Variants in SCN8A observed in about 807,000 individuals in gnomAD.
SCN8A encodes the protein sodium voltage-gated channel alpha subunit 8.
A neutral mutation model predicts 184.1 loss-of-function variants in SCN8A; 30 were observed. The observed-to-expected ratio is 0.16, with a 90% CI of 0.12 to 0.22. SCN8A has a LOEUF of 0.22. Ranked by LOEUF, SCN8A falls within the 10% of genes least tolerant of loss-of-function variation. The pLI, the probability that SCN8A is intolerant of heterozygous loss-of-function variation, is 1.00. For synonymous variants in SCN8A, 852 were observed against 907.0 expected (o/e 0.94, Z 1.09); for missense variants, 1,057 against 2,498.9 (o/e 0.42, Z 12.30).
intron 16 of SCN8A, 87 bp downstream of exon 16, chr12:51,766,114 CCTT>C (rs1392977438): frequency 2.1e-6 from 2 of 972,556 alleles, no homozygotes; most frequent in East Asian, 2.4e-5. Flanking sequence ...ACTGCTTAGT[CCTT>C]CTACTACCCG....
intron 26 of SCN8A, among the ~76,000 whole-genome samples, chr12:51,803,208 G>A (rs1455855866): frequency 1.3e-5 from 2 of 152,156 alleles, no homozygotes; most frequent in Non-Finnish European, 1.5e-5. Flanking sequence ...AACCACTGCT[G>A]TAAGTCCAAG....
chr12:51,773,451 C>T (rs899276239), intron 19 of SCN8A, among the ~76,000 whole-genome samples: 1 of 152,168 alleles, frequency 6.6e-6, no homozygotes. Flanking sequence ...GACCCTCCAC[C>T]CATACTGTGG....
At chr12:51,602,588 G>A (rs773479694) in intron 1 of SCN8A, among the ~76,000 whole-genome samples, 110 of 152,174 alleles carry the variant, frequency 7.2e-4, no homozygotes, top group Non-Finnish European at 1.2e-3. Flanking sequence ...CTTAAAAAAC[G>A]GTTAAGATGG....
intron 12 of SCN8A, among the ~76,000 whole-genome samples, chr12:51,733,251 T>G (rs2138804283): frequency 6.6e-6 from 1 of 152,260 alleles, no homozygotes; most frequent in South Asian, 2.1e-4. Context: ...TTTTTGAGGG[T>G]TTTTAACCAC....
At chr12:51,696,644 A>G (rs1262527184) in intron 6 of SCN8A, among the ~76,000 whole-genome samples, 2 of 152,196 alleles carry the variant, frequency 1.3e-5, no homozygotes, top group African/African-American at 2.4e-5. Context: ...CAGCTTCTCC[A>G]CTACTGCCCA....
Position 51,808,119 on chromosome 12 carries a change from C to T in SCN8A, c.*690C>T, listed in dbSNP as rs1035560195. The stretch of plus-strand genomic sequence containing the variant: ...GTGATCAGAAGTCATGCATGAGATC[C>T]ATACACCACAGGACACTACTAATCT... On this transcript the variant is annotated 3_prime_UTR_variant, in exon 27 of 27. Transcript: ENST00000627620. 1 of 163,870 alleles carries T rather than the reference C, an allele frequency of 6.1e-6. No individual in the cohort carries two copies. The highest frequency in any genetic ancestry group is 1.4e-5 in the Non-Finnish European group (1 of 74,036). The allele number at this position is 163,870 out of a possible 1,614,324, so 10.2% of individuals were successfully genotyped here.
intron 11 of SCN8A, chr12:51,713,064 A>G: frequency 2.1e-6 from 3 of 1,462,944 alleles, no homozygotes; most frequent in Non-Finnish European, 1.9e-6. Flanking sequence ...CAACAATTTT[A>G]TCAACTGTAT....
chr12:51,811,227 A>C lies in SCN8A; in HGVS notation c.*3798A>C, dbSNP rs1938884009. 1.3e-5 allele frequency: 2 copies of C among 152,186 alleles called. No homozygotes were observed. The highest frequency in any genetic ancestry group is 4.2e-4 in the South Asian group (2 of 4,816). 9.4% of individuals were successfully genotyped at this position (152,186 alleles called of 1,614,324 possible). On this transcript the variant is annotated 3_prime_UTR_variant, in exon 27 of 27. Coordinates refer to ENST00000627620, the MANE Select transcript of SCN8A (RefSeq NM_001330260.2). ...AGGGGAATAGAGGGAAGAGAAATCA[A>C]AGGGGCTCTCGCAAAGTTCTGGCTA...
Position 51,808,215 on chromosome 12 carries a change from G to C in SCN8A, c.*786G>C, listed in dbSNP as rs1385413386. On this transcript the variant is annotated 3_prime_UTR_variant, in exon 27 of 27. Coordinates refer to ENST00000627620, the MANE Select transcript of SCN8A (RefSeq NM_001330260.2). ...CCGTTCACTGTATTTGGAGAAAATGGTAAGAGTTCCATACCGGCTACAATT... is the reference window on the plus strand; with the variant it reads ...CCGTTCACTGTATTTGGAGAAAATGCTAAGAGTTCCATACCGGCTACAATT... 6.6e-6 allele frequency: 1 copy of C among 152,664 alleles called. No homozygotes were observed. The highest frequency in any genetic ancestry group is 1.5e-5 in the Non-Finnish European group (1 of 68,122). 9.5% of individuals were successfully genotyped at this position (152,664 alleles called of 1,614,324 possible).
intron 11 of SCN8A, among the ~76,000 whole-genome samples, chr12:51,710,763 T>C (rs1303157054): frequency 6.6e-6 from 1 of 152,228 alleles, no homozygotes; most frequent in Non-Finnish European, 1.5e-5. Context: ...ATATCTTCCT[T>C]TCAAGAAACC....
intron 1 of SCN8A, among the ~76,000 whole-genome samples, chr12:51,608,235 C>G (rs1003806046): frequency 9.9e-5 from 15 of 151,910 alleles, no homozygotes; most frequent in African/African-American, 3.6e-4. Context: ...TGGTCTCCAT[C>G]TCCTGACCTT....
chr12:51,651,598 C>G (rs1026419160), intron 1 of SCN8A, among the ~76,000 whole-genome samples: 20 of 152,204 alleles, frequency 1.3e-4, no homozygotes, highest in African/African-American at 4.8e-4. Context: ...TTATTCACTA[C>G]TATGAGAACA....
At chr12:51,604,868 G>T (rs1302992757) in intron 1 of SCN8A, among the ~76,000 whole-genome samples, 1 of 151,788 alleles carries the variant, frequency 6.6e-6, no homozygotes, top group Non-Finnish European at 1.5e-5. Flanking sequence ...TTTTAGGTTT[G>T]GGGGTACATG....
chr12:51,661,029 C>T (rs538857778), intron 1 of SCN8A, among the ~76,000 whole-genome samples: 21 of 152,192 alleles, frequency 1.4e-4, no homozygotes, highest in Admixed American at 1.3e-3. Flanking sequence ...AAAACTATTC[C>T]TGTTAGGGAG....
chr12:51,699,708 T>C lies in SCN8A; in HGVS notation c.845T>C (p.Val282Ala). 6.2e-7 allele frequency: 1 copy of C among 1,613,946 alleles called. No homozygotes were observed. Among genetic ancestry groups the C allele is most frequent in the Non-Finnish European group, 8.5e-7 (1 of 1,179,882 alleles). The change falls in exon 7 of 27, where the codon GTT (valine) becomes GCT (alanine). Residue 282 changes from valine to alanine, a missense_variant. Physicochemically the swap from Val to Ala is moderately conservative, Grantham distance 64. Around this residue, in one of 19 missense-constraint regions of SCN8A, gnomAD observed 26 missense variants for 44.4 expected, o/e 0.59. Transcript: ENST00000627620. ...LFMGNLRNKC[V>A]VWPINFNESY... Reference sequence around the variant, plus strand: ...ATGGGGAACCTTCGAAACAAGTGTGTTGTGTGGCCCATAAACTTCAACGAG... The same window carrying C: ...ATGGGGAACCTTCGAAACAAGTGTGCTGTGTGGCCCATAAACTTCAACGAG...
intron 2 of SCN8A, among the ~76,000 whole-genome samples, chr12:51,680,534 A>C (rs758174162): frequency 4.6e-5 from 7 of 152,184 alleles, no homozygotes; most frequent in Non-Finnish European, 8.8e-5. Flanking sequence ...CTAAAACAAC[A>C]TAAGCATTTG....
chr12:51,715,340 T>C (rs1262905884), intron 11 of SCN8A, among the ~76,000 whole-genome samples: 3 of 152,214 alleles, frequency 2.0e-5, no homozygotes, highest in Non-Finnish European at 2.9e-5. Flanking sequence ...AAGAATAGTC[T>C]GATGTATTAG....
intron 12 of SCN8A, among the ~76,000 whole-genome samples, chr12:51,744,048 T>G (rs1942469374): frequency 6.6e-6 from 1 of 152,236 alleles, no homozygotes; most frequent in Non-Finnish European, 1.5e-5. Context: ...ACATCTGTAA[T>G]CCCAGCGTTT....
At chr12:51,612,310 T>C (rs1189989471) in intron 1 of SCN8A, among the ~76,000 whole-genome samples, 1 of 152,066 alleles carries the variant, frequency 6.6e-6, no homozygotes, top group Non-Finnish European at 1.5e-5. Flanking sequence ...CACAGGCACA[T>C]GCCACCACAC....
Sources: allele counts gnomAD v4.1 joint callset (sites outside exome capture counted in the v4.1 genomes callset), GRCh38; gene constraint gnomAD v4.1.1; regional missense constraint gnomAD v4.1.1; transcripts MANE v1.5; gene names NCBI Gene and HGNC (gene_info 2026-07-23, HGNC 2026-07-21).